DLG2: variants seen among roughly 807,000 people sequenced by gnomAD.
DLG2 encodes discs large MAGUK scaffold protein 2.
A neutral mutation model predicts 132.5 loss-of-function variants in DLG2; 45 were observed. The ratio of observed to expected loss-of-function variants is 0.34; its 90% CI spans 0.27 to 0.44. The LOEUF is 0.44. DLG2 is among the 20% of genes least tolerant of loss of function. The probability of loss-of-function intolerance (pLI) is 1.00; values close to 1 mark genes in which losing one functional copy is unlikely to be tolerated. For missense variants in DLG2, 1,045 were observed against 1,196.9 expected, an observed-to-expected ratio of 0.87 and a Z score of 1.87; for synonymous variants, 424 against 419.6, an observed-to-expected ratio of 1.01 and a Z score of -0.13.
At chr11:85,013,564 G>C (rs1207793288) in intron 6 of DLG2, among the ~76,000 whole-genome samples, 5 of 152,136 alleles carry the variant, frequency 3.3e-5, no homozygotes, top group Non-Finnish European at 7.3e-5. Context: ...ATCAGCTCCT[G>C]TTCTCTGATG....
chr11:84,834,737 A>G (rs1303017102), intron 6 of DLG2, among the ~76,000 whole-genome samples: 2 of 150,944 alleles, frequency 1.3e-5, no homozygotes, highest in African/African-American at 4.9e-5. Context: ...TGTAAGATAC[A>G]CTGTATGAGA....
At chr11:84,785,689 T>C (rs1380021433) in intron 6 of DLG2, among the ~76,000 whole-genome samples, 1 of 152,126 alleles carries the variant, frequency 6.6e-6, no homozygotes, top group African/African-American at 2.4e-5. Context: ...TTTCCAAATC[T>C]AGTAATCAGG....
intron 20 of DLG2, among the ~76,000 whole-genome samples, chr11:83,537,826 AAAAAAAAAAGAGAGAG>A (rs1168343698): frequency 1.5e-4 from 21 of 139,552 alleles, no homozygotes; most frequent in African/African-American, 5.7e-4. Context: ...AAAAAAAAAA[AAAAAAAAAAGAGAGAG>A]AGAGATACCA....
At chr11:84,400,525 C>A (rs1203470286) in intron 7 of DLG2, among the ~76,000 whole-genome samples, 1 of 152,294 alleles carries the variant, frequency 6.6e-6, no homozygotes. Flanking sequence ...TCCAACACGT[C>A]TTCTTAGGCT....
chr11:85,516,547 G>T (rs769679492), intron 3 of DLG2, among the ~76,000 whole-genome samples: 3 of 151,934 alleles, frequency 2.0e-5, no homozygotes, highest in Non-Finnish European at 4.4e-5. Flanking sequence ...TAGCTAGATT[G>T]ACCAAGAAGA....
chr11:84,917,743 G>A (rs58385845), intron 6 of DLG2, among the ~76,000 whole-genome samples: 15,156 of 152,020 alleles, frequency 0.1, 904 homozygotes, highest in Non-Finnish European at 0.1. Flanking sequence ...TTGAGTTAAT[G>A]GGCTTTGTTA....
chr11:83,761,081 C>G (rs1164874173), intron 18 of DLG2, among the ~76,000 whole-genome samples: 1 of 152,120 alleles, frequency 6.6e-6, no homozygotes, highest in Admixed American at 6.5e-5. Flanking sequence ...TGATCTGTGC[C>G]TGGGAAGCTG....
chr11:83,730,224 A>T (rs888293029), intron 18 of DLG2, among the ~76,000 whole-genome samples: 2 of 140,988 alleles, frequency 1.4e-5, no homozygotes, highest in African/African-American at 2.7e-5. Context: ...TTCATCTGCT[A>T]TAATTGCACA....
At chr11:84,535,095 T>C (rs2099352221) in intron 6 of DLG2, among the ~76,000 whole-genome samples, 1 of 152,160 alleles carries the variant, frequency 6.6e-6, no homozygotes, top group Non-Finnish European at 1.5e-5. Context: ...AATTCTAGGT[T>C]ATGGATGGAG....
At chr11:85,354,231 T>C (rs1423185341) in intron 3 of DLG2, among the ~76,000 whole-genome samples, 1 of 152,120 alleles carries the variant, frequency 6.6e-6, no homozygotes, top group Non-Finnish European at 1.5e-5. Context: ...ATCTCATGTC[T>C]TTGAATAATT....
intron 18 of DLG2, among the ~76,000 whole-genome samples, chr11:83,700,217 C>T (rs1237151355): frequency 6.6e-6 from 1 of 152,096 alleles, no homozygotes; most frequent in Admixed American, 6.6e-5. Context: ...GCTTGACACA[C>T]AGTAAGCATT....
At chr11:85,344,380 G>A (rs2082693328) in intron 3 of DLG2, among the ~76,000 whole-genome samples, 2 of 152,054 alleles carry the variant, frequency 1.3e-5, no homozygotes, top group Non-Finnish European at 2.9e-5. Flanking sequence ...TTTTGTTACG[G>A]GAATTAGAGG....
At chr11:85,460,097 G>C (rs1326881343) in intron 3 of DLG2, among the ~76,000 whole-genome samples, 1 of 152,168 alleles carries the variant, frequency 6.6e-6, no homozygotes, top group Non-Finnish European at 1.5e-5. Flanking sequence ...GCACAGACAG[G>C]GGGTGGCTGG....
At chr11:84,878,290 T>C (rs1031084066) in intron 6 of DLG2, among the ~76,000 whole-genome samples, 1 of 152,038 alleles carries the variant, frequency 6.6e-6, no homozygotes, top group African/African-American at 2.4e-5. Flanking sequence ...CTATTCACAA[T>C]AGCAAGGATA....
At chr11:84,777,394 G>C (rs953876141) in intron 6 of DLG2, among the ~76,000 whole-genome samples, 2 of 147,332 alleles carry the variant, frequency 1.4e-5, no homozygotes, top group African/African-American at 5.0e-5. Flanking sequence ...ATTGTGAATA[G>C]TGCTGTGATA....
At chr11:84,107,237 C>G (rs2154188734) in intron 9 of DLG2, among the ~76,000 whole-genome samples, 1 of 151,952 alleles carries the variant, frequency 6.6e-6, no homozygotes, top group Non-Finnish European at 1.5e-5. Context: ...AGTTCAGACT[C>G]TTTGAGTCCC....
chr11:83,827,242 T>C (rs1253534102), intron 17 of DLG2, among the ~76,000 whole-genome samples: 1 of 152,088 alleles, frequency 6.6e-6, no homozygotes, highest in East Asian at 1.9e-4. Flanking sequence ...GATTTAGAAA[T>C]GTTATTTGAG....
chr11:84,223,631 A>C (rs1267889786), intron 8 of DLG2, among the ~76,000 whole-genome samples: 4 of 149,508 alleles, frequency 2.7e-5, no homozygotes, highest in Admixed American at 6.8e-5. Flanking sequence ...ATATTGGCTC[A>C]CTGCAACCTC....
At position 84,533,905 on chromosome 11, in the gene DLG2, C is replaced by CAAAAAAAAAAAAAAAAAAAAAAA. The variant is rs558597260; in HGVS notation, c.519+642_519+664dup. On this transcript the variant is annotated intron_variant, in intron 7 of 27. Transcript: ENST00000376104. The stretch of plus-strand genomic sequence containing the variant: ...CAAAATCCAGTAGCGCCAGTTCAGC[C>CAAAAAAAAAAAAAAAAAAAAAAA]AAAAAAAAAAAAAAAAAAAAAAAAA... Among the ~76,000 whole-genome samples, 55 of 70,272 alleles carry CAAAAAAAAAAAAAAAAAAAAAAA rather than the reference C, an allele frequency of 7.8e-4. 3 individuals are homozygous for CAAAAAAAAAAAAAAAAAAAAAAA. Among genetic ancestry groups the CAAAAAAAAAAAAAAAAAAAAAAA allele is most frequent in the African/African-American group, 2.5e-3 (48 of 18,968 alleles). The allele number at this position is 70,272 out of a possible 152,430, so 46.1% of individuals were successfully genotyped here.
Sources: allele counts gnomAD v4.1 joint callset (sites outside exome capture counted in the v4.1 genomes callset), GRCh38; gene constraint gnomAD v4.1.1; transcripts MANE v1.5; gene names NCBI Gene and HGNC (gene_info 2026-07-23, HGNC 2026-07-21).